SRD5A2: variants seen among roughly 807,000 people sequenced by gnomAD.
The protein encoded by SRD5A2 is 3-oxo-5-alpha-steroid 4-dehydrogenase 2.
Under a neutral mutation model 27.4 loss-of-function variants are expected in SRD5A2, and 30 were observed. The observed-to-expected ratio is 1.10, with a 90% confidence interval of 0.82 to 1.49. The LOEUF (loss-of-function observed/expected upper bound fraction) is 1.49. SRD5A2 is among the 40% of genes most tolerant of loss of function. The probability of loss-of-function intolerance (pLI) is 0.00; values close to 1 mark genes in which losing one functional copy is unlikely to be tolerated. For synonymous variants in SRD5A2, 141 were observed against 133.6 expected, an observed-to-expected ratio of 1.06 and a Z score of -0.38; for missense variants, 348 against 323.4, an observed-to-expected ratio of 1.08 and a Z score of -0.58.
At chr2:31,622,464 G>A in the SRD5A2 span, among the ~76,000 whole-genome samples, 1 of 152,144 alleles carries the variant, frequency 6.6e-6, no homozygotes, top group East Asian at 1.9e-4. Flanking sequence ...TAGTCAGTTG[G>A]CAAGAGCTCA....
At chr2:31,568,494 T>A in intron 1 of SRD5A2, among the ~76,000 whole-genome samples, 1 of 151,926 alleles carries the variant, frequency 6.6e-6, no homozygotes, top group Non-Finnish European at 1.5e-5. Context: ...TCTGGATGAG[T>A]CCAGAGTTTT....
the SRD5A2 span, among the ~76,000 whole-genome samples, chr2:31,646,821 G>T: frequency 2.0e-5 from 3 of 152,068 alleles, no homozygotes; most frequent in African/African-American, 7.2e-5. Context: ...TCTAACACTG[G>T]TTAAAACAAA....
At chr2:31,624,500 C>T in the SRD5A2 span, among the ~76,000 whole-genome samples, 4 of 152,102 alleles carry the variant, frequency 2.6e-5, no homozygotes, top group East Asian at 7.7e-4. Context: ...TCTCTTGATG[C>T]TATCCTTCCC....
upstream of SRD5A2, among the ~76,000 whole-genome samples, chr2:31,582,717 C>T (rs1318705844): frequency 6.6e-6 from 1 of 152,134 alleles, no homozygotes; most frequent in East Asian, 1.9e-4. Context: ...CAAAACCAGC[C>T]CTACCCAAAA....
intron 2 of SRD5A2, 102 bp downstream of exon 2, chr2:31,533,501 G>C (rs1261061092): frequency 9.4e-7 from 1 of 1,067,086 alleles, no homozygotes; most frequent in African/African-American, 1.6e-5. Context: ...GGGAAGATGG[G>C]ATCATTACGA....
chr2:31,636,565 A>G, the SRD5A2 span, among the ~76,000 whole-genome samples: 1 of 152,114 alleles, frequency 6.6e-6, no homozygotes, highest in Non-Finnish European at 1.5e-5. Context: ...CAGTCTTTAG[A>G]GGAAAGGTCT....
At chr2:31,625,581 C>T in the SRD5A2 span, among the ~76,000 whole-genome samples, 2 of 152,178 alleles carry the variant, frequency 1.3e-5, no homozygotes, top group Non-Finnish European at 2.9e-5. Flanking sequence ...CTACATATGG[C>T]TAGCCAGTTT....
Position 31,529,361 on chromosome 2 carries a change from G to C in SRD5A2, c.644C>G (p.Ala215Gly). 1 of 1,613,904 alleles carries C rather than the reference G, an allele frequency of 6.2e-7. No individual in the cohort carries two copies. Among genetic ancestry groups the C allele is most frequent in the Non-Finnish European group, 8.5e-7 (1 of 1,179,814 alleles). The change falls in exon 4 of 5, where the codon GCA becomes GGA. Residue 215 changes from alanine (A) to glycine (G), a missense_variant. Ala to Gly is a moderately conservative substitution (Grantham distance 60). Coordinates refer to ENST00000622030, the MANE Select transcript of SRD5A2 (RefSeq NM_000348.4). ...GAAACAAAGTGAGAAAAATGCAAAT[G>C]CAAGTGCTGGGAGGGACCAAGTGGC... ...ALATWSLPALAFAFFSLCFLG... is the reference protein window; with the variant it reads ...ALATWSLPALGFAFFSLCFLG...
the SRD5A2 span, among the ~76,000 whole-genome samples, chr2:31,609,280 A>G: frequency 6.6e-3 from 1,001 of 152,246 alleles, 13 homozygotes; most frequent in African/African-American, 0.023. Flanking sequence ...TTTTTCAGAA[A>G]CAGGAAAGTT....
intron 1 of SRD5A2, among the ~76,000 whole-genome samples, chr2:31,569,682 A>C (rs1179177249): frequency 5.3e-5 from 8 of 151,980 alleles, no homozygotes; most frequent in Admixed American, 3.9e-4. Context: ...AAAAACAAAA[A>C]AAAAAAAACA....
At chr2:31,624,256 T>A in the SRD5A2 span, among the ~76,000 whole-genome samples, 1 of 152,190 alleles carries the variant, frequency 6.6e-6, no homozygotes, top group Non-Finnish European at 1.5e-5. Context: ...TTTTAGTTAC[T>A]TTAAAATGTA....
chr2:31,634,827 C>T, the SRD5A2 span, among the ~76,000 whole-genome samples: 1 of 152,048 alleles, frequency 6.6e-6, no homozygotes, highest in African/African-American at 2.4e-5. Context: ...ACATAATGAC[C>T]TCCCATTTCC....
At chr2:31,529,675 G>C (rs1665861975) in intron 3 of SRD5A2, among the ~76,000 whole-genome samples, 1 of 152,204 alleles carries the variant, frequency 6.6e-6, no homozygotes, top group African/African-American at 2.4e-5. Flanking sequence ...GTTGCGAAGA[G>C]TGGCCTCAAC....
upstream of SRD5A2, among the ~76,000 whole-genome samples, chr2:31,581,263 T>G (rs897783514): frequency 6.6e-6 from 1 of 152,120 alleles, no homozygotes; most frequent in Admixed American, 6.5e-5. Flanking sequence ...ACGGGGACGA[T>G]TCAGCTGGGG....
At chr2:31,592,670 G>C in the SRD5A2 span, among the ~76,000 whole-genome samples, 5 of 152,124 alleles carry the variant, frequency 3.3e-5, no homozygotes, top group African/African-American at 1.2e-4. Context: ...CACATCAAGG[G>C]ATCATCTGTG....
chr2:31,617,465 C>T, the SRD5A2 span, among the ~76,000 whole-genome samples: 2 of 152,210 alleles, frequency 1.3e-5, no homozygotes, highest in African/African-American at 4.8e-5. Flanking sequence ...ACATTTGGCT[C>T]CTCATTACTC....
At chr2:31,618,528 C>T in the SRD5A2 span, among the ~76,000 whole-genome samples, 1 of 151,962 alleles carries the variant, frequency 6.6e-6, no homozygotes, top group Non-Finnish European at 1.5e-5. Context: ...TTTGCAACAA[C>T]ATGGATGGTA....
At chr2:31,574,624 TC>T (rs540301316) in intron 1 of SRD5A2, among the ~76,000 whole-genome samples, 2 of 152,186 alleles carry the variant, frequency 1.3e-5, no homozygotes, top group Non-Finnish European at 2.9e-5. Context: ...CCTACTATTT[TC>T]CCATAAAAGT....
At chr2:31,611,826 A>G in the SRD5A2 span, among the ~76,000 whole-genome samples, 8 of 152,188 alleles carry the variant, frequency 5.3e-5, no homozygotes, top group African/African-American at 1.9e-4. Context: ...AAGAAAAATG[A>G]AAGCATGTTT....
Sources: allele counts gnomAD v4.1 joint callset (sites outside exome capture counted in the v4.1 genomes callset), GRCh38; gene constraint gnomAD v4.1.1; transcripts MANE v1.5; gene names NCBI Gene and HGNC (gene_info 2026-07-23, HGNC 2026-07-21).